The following PHACTR1 variants were observed in gnomAD, a reference collection of about 807,000 sequenced individuals.
PHACTR1 encodes phosphatase and actin regulator 1.
PHACTR1 carries 16 observed loss-of-function variants against 69.2 expected under a neutral mutation model. That is an observed-to-expected ratio of 0.23 (90% CI 0.16 to 0.35). The LOEUF is 0.35. Among genes scored for constraint, PHACTR1 ranks in the 10% least tolerant of loss-of-function variants. The pLI is 1.00. For missense variants in PHACTR1, 510 were observed against 734.7 expected (o/e 0.69, Z 3.54); for synonymous variants, 312 against 284.5 (o/e 1.10, Z -0.97).
At position 12,755,823 on chromosome 6, in the gene PHACTR1, C is replaced by A. The variant is rs570262849; in HGVS notation, c.250+6033C>A. Among the ~76,000 whole-genome samples the A allele has an allele frequency of 2.0e-5, 3 of 152,238 alleles. No homozygotes were observed. The East Asian group carries it at 5.8e-4, about 29-fold the overall frequency. On this transcript the variant is annotated intron_variant, in intron 4 of 14. Transcript: ENST00000332995. ...AAACGGGTATGTAAGATCTATATTTCCCCTTTACCCTTTTAGATTACCAGG... is the reference window on the plus strand; with the variant it reads ...AAACGGGTATGTAAGATCTATATTTACCCTTTACCCTTTTAGATTACCAGG...
intron 4 of PHACTR1, among the ~76,000 whole-genome samples, chr6:12,947,900 C>T (rs765679415): frequency 6.6e-6 from 1 of 152,194 alleles, no homozygotes; most frequent in Non-Finnish European, 1.5e-5. Flanking sequence ...TCCTACAGAT[C>T]CATAGCAGGC....
intron 4 of PHACTR1, among the ~76,000 whole-genome samples, chr6:12,921,347 G>A (rs1185161408): frequency 6.6e-6 from 1 of 152,100 alleles, no homozygotes; most frequent in Non-Finnish European, 1.5e-5. Context: ...CCAATGCTGG[G>A]CACAGGGCTG....
At chr6:13,198,342 G>A (rs34624425) in intron 7 of PHACTR1, among the ~76,000 whole-genome samples, 32,860 of 152,136 alleles carry the variant, frequency 0.22, 4,260 homozygotes, top group Non-Finnish European at 0.28. Context: ...ATGGGCAGGC[G>A]CCTCAGCCAG....
At chr6:13,180,554 T>A (rs1323186213) in intron 6 of PHACTR1, among the ~76,000 whole-genome samples, 1 of 152,218 alleles carries the variant, frequency 6.6e-6, no homozygotes, top group Non-Finnish European at 1.5e-5. Flanking sequence ...TTTGATTGCA[T>A]CCTTCCCCCA....
chr6:12,939,594 A>T (rs995472162), intron 4 of PHACTR1, among the ~76,000 whole-genome samples: 4 of 152,224 alleles, frequency 2.6e-5, no homozygotes, highest in Non-Finnish European at 5.9e-5. Flanking sequence ...TTATACAAGT[A>T]GCTGTATATT....
At chr6:12,799,449 A>G (rs1224457170) in intron 4 of PHACTR1, among the ~76,000 whole-genome samples, 1 of 152,240 alleles carries the variant, frequency 6.6e-6, no homozygotes, top group Non-Finnish European at 1.5e-5. Context: ...CTTCATGAAA[A>G]AGAACTATAT....
At chr6:13,251,925 C>T (rs1774473871) in intron 10 of PHACTR1, among the ~76,000 whole-genome samples, 1 of 151,520 alleles carries the variant, frequency 6.6e-6, no homozygotes, top group Non-Finnish European at 1.5e-5. Flanking sequence ...CATGGTGGCA[C>T]ACACCTATAG....
intron 6 of PHACTR1, among the ~76,000 whole-genome samples, chr6:13,170,391 C>T (rs1158504244): frequency 1.3e-5 from 2 of 152,188 alleles, no homozygotes; most frequent in African/African-American, 2.4e-5. Flanking sequence ...ACCTGGACCC[C>T]TCCTGTGAAC....
intron 5 of PHACTR1, among the ~76,000 whole-genome samples, chr6:13,068,791 G>C (rs73368147): frequency 6.6e-6 from 1 of 152,162 alleles, no homozygotes; most frequent in Non-Finnish European, 1.5e-5. Flanking sequence ...AAATATGCAC[G>C]ATAGAGGAAG....
chr6:12,878,179 G>A (rs920140420), intron 4 of PHACTR1, among the ~76,000 whole-genome samples: 2 of 152,202 alleles, frequency 1.3e-5, no homozygotes, highest in African/African-American at 2.4e-5. Flanking sequence ...ATAAACATTA[G>A]AGCAGCCAAG....
chr6:12,868,997 G>A (rs1781751703), intron 4 of PHACTR1, among the ~76,000 whole-genome samples: 3 of 152,074 alleles, frequency 2.0e-5, no homozygotes, highest in Admixed American at 2.0e-4. Context: ...GTCTTGGGTA[G>A]CAGGTCCTTG....
At chr6:13,032,692 C>T (rs1802626658) in intron 4 of PHACTR1, among the ~76,000 whole-genome samples, 1 of 151,962 alleles carries the variant, frequency 6.6e-6, no homozygotes, top group Non-Finnish European at 1.5e-5. Flanking sequence ...ACATAGCTCA[C>T]TGCAGCCTTG....
At chr6:13,068,544 G>A (rs534419217) in intron 5 of PHACTR1, among the ~76,000 whole-genome samples, 1 of 152,250 alleles carries the variant, frequency 6.6e-6, no homozygotes, top group South Asian at 2.1e-4. Flanking sequence ...TCATGATTCT[G>A]ATAAGCTTTT....
intron 4 of PHACTR1, among the ~76,000 whole-genome samples, chr6:12,875,343 C>G (rs1003848426): frequency 6.6e-6 from 1 of 152,226 alleles, no homozygotes; most frequent in Non-Finnish European, 1.5e-5. Context: ...TCTGCTAACT[C>G]AGCAACATTT....
At position 13,024,526 on chromosome 6, in the gene PHACTR1, T is replaced by C. The variant is rs192001586; in HGVS notation, c.251-28839T>C. Among the ~76,000 whole-genome samples, 266 of 152,322 alleles carry C rather than the reference T, an allele frequency of 1.7e-3. 1 individual carries two copies. The highest frequency in any genetic ancestry group is 6.3e-3 in the African/African-American group (261 of 41,574). ...CAAATTTCAGTAACTCACTGATTTA[T>C]GCATCCCTTTACCATCCCCCTGAAA... On this transcript the variant is annotated intron_variant, in intron 4 of 14. Transcript: ENST00000332995.
At chr6:13,286,315 G>C in intron 14 of PHACTR1, 93 bp downstream of exon 14, 1 of 1,066,960 alleles carries the variant, frequency 9.4e-7, no homozygotes, top group Non-Finnish European at 1.3e-6. Context: ...ACATGAGTGG[G>C]TTGGAGGGTG....
chr6:12,889,911 A>G (rs1481478239), intron 4 of PHACTR1, among the ~76,000 whole-genome samples: 6 of 150,070 alleles, frequency 4.0e-5, no homozygotes, highest in African/African-American at 1.2e-4. Context: ...CTGGCAGTTT[A>G]CCTTCACTGC....
At chr6:12,919,922 C>T (rs763373723) in intron 4 of PHACTR1, among the ~76,000 whole-genome samples, 9 of 152,144 alleles carry the variant, frequency 5.9e-5, no homozygotes, top group Non-Finnish European at 1.3e-4. Flanking sequence ...GGCCTAAATT[C>T]AATTCACACA....
At chr6:13,058,211 T>G (rs141742886) in intron 5 of PHACTR1, among the ~76,000 whole-genome samples, 63 of 152,308 alleles carry the variant, frequency 4.1e-4, no homozygotes, top group Middle Eastern at 3.4e-3. Context: ...AATAGTCAAC[T>G]GCAGCGATCT....
Sources: gnomAD v4.1 joint callset for allele counts (sites outside exome capture counted in the v4.1 genomes callset) on GRCh38, gnomAD v4.1.1 for gene constraint, MANE v1.5 for transcripts, NCBI Gene and HGNC (gene_info 2026-07-23, HGNC 2026-07-21) for gene names.